Variants in KCNN2 observed in about 807,000 individuals in gnomAD.
The protein encoded by KCNN2 is potassium calcium-activated channel subfamily N member 2.
A neutral mutation model predicts 55.5 loss-of-function variants in KCNN2; 24 were observed. The ratio of observed to expected loss-of-function variants is 0.43; its 90% CI spans 0.31 to 0.61. The LOEUF (loss-of-function observed/expected upper bound fraction) is 0.61, where lower values mean the gene tolerates loss of function less well. Ranked by LOEUF, KCNN2 falls within the 20% of genes least tolerant of loss-of-function variation. The pLI, the probability that KCNN2 is intolerant of heterozygous loss-of-function variation, is 0.08. For missense variants in KCNN2, 754 were observed against 853.6 expected (o/e 0.88, Z 1.45); for synonymous variants, 431 against 336.1 (o/e 1.28, Z -3.09).
At chr5:114,469,676 C>A (rs538727991) in intron 4 of KCNN2, among the ~76,000 whole-genome samples, 2 of 152,094 alleles carry the variant, frequency 1.3e-5, no homozygotes, top group East Asian at 3.9e-4. Context: ...GAAACGGAAT[C>A]GTCCTGGAAA....
At chr5:114,213,610 A>G (rs568712592) in intron 1 of KCNN2, among the ~76,000 whole-genome samples, 1 of 152,190 alleles carries the variant, frequency 6.6e-6, no homozygotes, top group South Asian at 2.1e-4. Context: ...CCTTCAAACT[A>G]TTGAAAGCAT....
intron 2 of KCNN2, among the ~76,000 whole-genome samples, chr5:114,350,104 A>AT (rs528062818): frequency 6.6e-6 from 1 of 151,888 alleles, no homozygotes; most frequent in African/African-American, 2.4e-5. Context: ...ATTCTTTTAA[A>AT]TTTTTTTAAA....
At chr5:114,437,520 T>C (rs886681846) in intron 3 of KCNN2, among the ~76,000 whole-genome samples, 4 of 152,146 alleles carry the variant, frequency 2.6e-5, no homozygotes, top group African/African-American at 9.7e-5. Flanking sequence ...GCAGAATCTG[T>C]TTATTCCTTC....
intron 2 of KCNN2, among the ~76,000 whole-genome samples, chr5:114,255,818 A>G (rs978674439): frequency 1.1e-4 from 17 of 152,308 alleles, no homozygotes; most frequent in Admixed American, 2.0e-4. Flanking sequence ...TAAGGTGGCC[A>G]CTTCCTCTGT....
chr5:114,168,367 G>T (rs1337989479), intron 1 of KCNN2, among the ~76,000 whole-genome samples: 3 of 151,748 alleles, frequency 2.0e-5, no homozygotes, highest in African/African-American at 4.8e-5. Flanking sequence ...AGCTATTTTT[G>T]CCTAAAAGAC....
rs1262824709 is a variant in KCNN2, at chr5:114,226,895, C to T, written c.-185+5330C>T. On this transcript the variant is annotated intron_variant, in intron 2 of 10. Coordinates refer to the KCNN2 transcript ENST00000512097. ...CAGCCTGGGCAACACAGCGAGACTC[C>T]GTCTCAAAAAAAAAAAAAAAAAAAA... Among the ~76,000 whole-genome samples the T allele has an allele frequency of 2.4e-4, 23 of 94,618 alleles. No individual in the cohort carries two copies. The South Asian group carries it at 4.8e-3, about 20-fold the overall frequency. 62.1% of individuals were successfully genotyped at this position (94,618 alleles called of 152,430 possible). A position where few individuals can be genotyped will look rare whatever the true frequency, so the allele number is the denominator to read the frequency against.
intron 2 of KCNN2, among the ~76,000 whole-genome samples, chr5:114,400,769 C>G (rs1284092474): frequency 6.6e-6 from 1 of 152,118 alleles, no homozygotes; most frequent in Non-Finnish European, 1.5e-5. Context: ...AATATTATTC[C>G]TCTGGTTGTT....
At chr5:114,277,875 C>T (rs199616341) in intron 2 of KCNN2, among the ~76,000 whole-genome samples, 1 of 152,260 alleles carries the variant, frequency 6.6e-6, no homozygotes, top group South Asian at 2.1e-4. Flanking sequence ...CAGTTTTGTT[C>T]CCTTGCTGTC....
At chr5:114,385,501 C>T (rs55941350) in intron 2 of KCNN2, among the ~76,000 whole-genome samples, 4,429 of 143,146 alleles carry the variant, frequency 0.031, 203 homozygotes, top group African/African-American at 0.11. Context: ...TGTTTATTGA[C>T]AGCATACACA....
rs1554082216 is a variant in KCNN2, at chr5:114,339,846, T to TAAAA, written c.-184-21097_-184-21094dup. Reference sequence around the variant, plus strand: ...ATAAATAAATAAATAAATAAATAAATAAAAATGCATGATATATGGCAATAT... The same window carrying TAAAA: ...ATAAATAAATAAATAAATAAATAAATAAAAAAAAATGCATGATATATGGCAATAT... On this transcript the variant is annotated intron_variant, in intron 2 of 10. Transcript: ENST00000512097. Among the ~76,000 whole-genome samples the TAAAA allele has an allele frequency of 1.7e-4, 26 of 151,442 alleles. No individual in the cohort carries two copies. In the Middle Eastern group the frequency reaches 0.01, roughly 59 times the overall value.
chr5:114,353,444 T>C (rs1350424763), intron 2 of KCNN2, among the ~76,000 whole-genome samples: 2 of 151,902 alleles, frequency 1.3e-5, no homozygotes, highest in Non-Finnish European at 2.9e-5. Context: ...AGTATAATTA[T>C]ATATTCATTA....
intron 2 of KCNN2, among the ~76,000 whole-genome samples, chr5:114,383,832 A>G (rs937481420): frequency 2.0e-5 from 3 of 152,202 alleles, no homozygotes; most frequent in Non-Finnish European, 4.4e-5. Context: ...AATGAGGAAA[A>G]TTGTGATGCA....
At chr5:114,308,500 T>A (rs1756334076) in intron 2 of KCNN2, among the ~76,000 whole-genome samples, 1 of 152,174 alleles carries the variant, frequency 6.6e-6, no homozygotes, top group Admixed American at 6.6e-5. Context: ...AGCCTCACGG[T>A]CATTTATTCT....
chr5:114,363,578 G>A (rs1757512641), intron 1 of KCNN2, among the ~76,000 whole-genome samples: 1 of 152,164 alleles, frequency 6.6e-6, no homozygotes, highest in Admixed American at 6.5e-5. Context: ...GTTTAGAAGG[G>A]CCCTTTCAAC....
chr5:114,298,322 G>C (rs1488775229), intron 2 of KCNN2, among the ~76,000 whole-genome samples: 1 of 152,210 alleles, frequency 6.6e-6, no homozygotes, highest in African/African-American at 2.4e-5. Context: ...GGGGAACCCT[G>C]CTCCGTAGAT....
intron 1 of KCNN2, among the ~76,000 whole-genome samples, chr5:114,121,280 G>T (rs1393429778): frequency 6.6e-6 from 1 of 152,142 alleles, no homozygotes; most frequent in African/African-American, 2.4e-5. Flanking sequence ...GGGTATCTTG[G>T]TAAGTTGATC....
rs70976327 is a variant in KCNN2 at position 114,241,824 on chromosome 5, GTATA to G, written c.-185+20277_-185+20280del. Reference sequence around the variant, plus strand: ...TATATACGTATATATATATATGTGTGTATATATATATATATATATATGGAGTGTG... The same window carrying G: ...TATATACGTATATATATATATGTGTGTATATATATATATATATGGAGTGTG... On this transcript the variant is annotated intron_variant, in intron 2 of 10. Transcript: ENST00000512097. Among the ~76,000 whole-genome samples the G allele has an allele frequency of 2.6e-3, 82 of 31,952 alleles. 24 individuals carry two copies. Among genetic ancestry groups the G allele is most frequent in the Admixed American group, 0.024 (59 of 2,492 alleles). The allele number at this position is 31,952 out of a possible 152,430, so 21.0% of individuals were successfully genotyped here. A position where few individuals can be genotyped will look rare whatever the true frequency, so the allele number is the denominator to read the frequency against.
At chr5:114,212,938 T>C (rs1753918343) in intron 1 of KCNN2, among the ~76,000 whole-genome samples, 1 of 151,984 alleles carries the variant, frequency 6.6e-6, no homozygotes, top group Non-Finnish European at 1.5e-5. Flanking sequence ...TCTTACAATG[T>C]AGATATAATG....
chr5:114,075,143 A>C (rs963858044), intron 1 of KCNN2, among the ~76,000 whole-genome samples: 20 of 152,234 alleles, frequency 1.3e-4, no homozygotes, highest in African/African-American at 4.3e-4. Flanking sequence ...TTAATTGCCA[A>C]ACACAGATTG....
Sources: allele counts gnomAD v4.1 joint callset (sites outside exome capture counted in the v4.1 genomes callset), GRCh38; gene constraint gnomAD v4.1.1; transcripts MANE v1.5; gene names NCBI Gene and HGNC (gene_info 2026-07-23, HGNC 2026-07-21).